CD109: variants seen among roughly 807,000 people sequenced by gnomAD.
CD109 encodes CD109 antigen.
In CD109, 149 loss-of-function variants were observed where a neutral mutation model predicts 165.8. The ratio of observed to expected loss-of-function variants is 0.90; its 90% CI spans 0.79 to 1.03. The LOEUF (loss-of-function observed/expected upper bound fraction) is 1.03, where lower values mean the gene tolerates loss of function less well. Ranked by LOEUF, CD109 falls within the 50% of genes least tolerant of loss-of-function variation. The probability of loss-of-function intolerance (pLI) is 0.00; values close to 1 mark genes in which losing one functional copy is unlikely to be tolerated. For synonymous variants in CD109, 585 were observed against 592.1 expected (o/e 0.99, Z 0.18); for missense variants, 1,712 against 1,677.8 (o/e 1.02, Z -0.36).
At chr6:73,688,776 T>G in the CD109 span, among the ~76,000 whole-genome samples, 3 of 138,126 alleles carry the variant, frequency 2.2e-5, no homozygotes, top group African/African-American at 8.1e-5. Flanking sequence ...TTTTTTTTTT[T>G]TTTTTTTTTT....
chr6:73,764,833 A>C (rs1031559466), intron 10 of CD109, among the ~76,000 whole-genome samples: 95 of 151,258 alleles, frequency 6.3e-4, no homozygotes, highest in Non-Finnish European at 9.3e-4. Context: ...AAAAAAAAAA[A>C]CAACTAAAAC....
chr6:73,800,795 A>G (rs1775334560), intron 23 of CD109, among the ~76,000 whole-genome samples: 1 of 152,078 alleles, frequency 6.6e-6, no homozygotes, highest in South Asian at 2.1e-4. Flanking sequence ...TAATTTTTAA[A>G]AAGTTCTTTA....
intron 5 of CD109, among the ~76,000 whole-genome samples, chr6:73,742,007 A>G (rs1354424418): frequency 6.6e-6 from 1 of 152,066 alleles, no homozygotes; most frequent in Non-Finnish European, 1.5e-5. Context: ...TATTTTCTGT[A>G]GTAAAATACA....
intron 15 of CD109, among the ~76,000 whole-genome samples, chr6:73,776,984 ATTTTTTT>A (rs36173181): frequency 9.7e-6 from 1 of 102,914 alleles, no homozygotes; most frequent in Non-Finnish European, 1.9e-5. Flanking sequence ...TCCTTTGCCC[ATTTTTTT>A]TTTTTTTTTT....
At chr6:73,747,706 T>C (rs1582096321) in intron 5 of CD109, among the ~76,000 whole-genome samples, 1 of 152,010 alleles carries the variant, frequency 6.6e-6, no homozygotes, top group Non-Finnish European at 1.5e-5. Flanking sequence ...TAACAATCTT[T>C]CCCCACCACA....
At chr6:73,791,158 T>TACAC (rs1774928988) in intron 22 of CD109, among the ~76,000 whole-genome samples, 1 of 29,270 alleles carries the variant, frequency 3.4e-5, no homozygotes, top group African/African-American at 1.3e-4. Context: ...TATATATATA[T>TACAC]ATATATATAT....
intron 17 of CD109, 38 bp from the exon 18 acceptor site, chr6:73,782,576 T>C (rs1373552844): frequency 1.4e-5 from 23 of 1,593,182 alleles, no homozygotes; most frequent in Non-Finnish European, 2.0e-5. Flanking sequence ...TTCTCTCCAG[T>C]GACTGTTTTT....
chr6:73,807,888 CAG>C (rs1214569945), intron 25 of CD109, among the ~76,000 whole-genome samples, 193 bp from the exon 26 acceptor site: 2 of 152,136 alleles, frequency 1.3e-5, no homozygotes, highest in African/African-American at 4.8e-5. Flanking sequence ...AACTGAAAAA[CAG>C]TATTATTTTC....
chr6:73,741,385 C>T (rs1325873388), intron 5 of CD109, among the ~76,000 whole-genome samples: 1 of 152,146 alleles, frequency 6.6e-6, no homozygotes, highest in East Asian at 1.9e-4. Flanking sequence ...ACCAAGCCCT[C>T]CTCTCAGAGG....
At chr6:73,685,279 C>A in the CD109 span, among the ~76,000 whole-genome samples, 16 of 151,732 alleles carry the variant, frequency 1.1e-4, no homozygotes, top group Non-Finnish European at 1.8e-4. Flanking sequence ...GGATATAAGC[C>A]CCTTACTAAC....
At chr6:73,718,481 T>A (rs1048004485) in intron 2 of CD109, among the ~76,000 whole-genome samples, 7 of 152,172 alleles carry the variant, frequency 4.6e-5, no homozygotes, top group Admixed American at 2.0e-4. Flanking sequence ...TTTTATCAAA[T>A]TTTTTTAAAT....
At position 73,820,564 on chromosome 6, in the gene CD109, G is replaced by A; in HGVS notation, c.4162+1G>A. 6.5e-7 allele frequency: 1 copy of A among 1,539,180 alleles called. No homozygotes were observed. The highest frequency in any genetic ancestry group is 1.7e-5 in the Admixed American group (1 of 57,374). On this transcript the variant is annotated splice_donor_variant, in intron 32 of 32. Transcript: ENST00000287097. LOFTEE classifies it high-confidence loss of function. ...TCCATAGTGGATTACTATGAGCCAA[G>A]TAAGTATGCTCTGGAGTTCTTAATA...
In CD109 at chr6:73,802,291, A is replaced by G. The variant is rs9447031; in HGVS notation, c.2879-929A>G. Among the ~76,000 whole-genome samples the G allele has an allele frequency of 6.2e-3, 484 of 78,360 alleles. 3 individuals are homozygous for G. Among genetic ancestry groups the G allele is most frequent in the African/African-American group, 0.018 (335 of 18,460 alleles). The allele number at this position is 78,360 out of a possible 152,430, so 51.4% of individuals were successfully genotyped here. A position where few individuals can be genotyped will look rare whatever the true frequency, so the allele number is the denominator to read the frequency against. On this transcript the variant is annotated intron_variant, in intron 23 of 32. Coordinates refer to ENST00000287097, the MANE Select transcript of CD109 (RefSeq NM_133493.5). The stretch of plus-strand genomic sequence containing the variant: ...TGTGTGTGTGTGTGTGTGTGTGTGT[A>G]TATATATATATATATTTTTTTTTTT...
At chr6:73,724,082 G>A (rs147845767) in intron 3 of CD109, among the ~76,000 whole-genome samples, 4 of 152,146 alleles carry the variant, frequency 2.6e-5, no homozygotes, top group Admixed American at 2.0e-4. Context: ...TTAAAACTTC[G>A]ACTTCTTTGT....
At chr6:73,694,114 C>G (rs374313310), upstream of CD109, 1 of 152,142 alleles carries the variant, frequency 6.6e-6, no homozygotes, top group African/African-American at 2.4e-5. Flanking sequence ...GTCTCGAACT[C>G]GTGACCTTAG....
chr6:73,710,809 T>C (rs1440863679), intron 2 of CD109, among the ~76,000 whole-genome samples: 1 of 152,202 alleles, frequency 6.6e-6, no homozygotes, highest in Non-Finnish European at 1.5e-5. Flanking sequence ...GGCCAGATGT[T>C]AAGCATGTAG....
intron 10 of CD109, among the ~76,000 whole-genome samples, chr6:73,765,321 T>C (rs907728430): frequency 6.7e-6 from 1 of 149,722 alleles, no homozygotes; most frequent in African/African-American, 2.5e-5. Context: ...GAGAGAAGCA[T>C]AGGACTTTGG....
chr6:73,715,890 C>A (rs913264435), intron 2 of CD109, among the ~76,000 whole-genome samples: 8 of 152,044 alleles, frequency 5.3e-5, no homozygotes, highest in Admixed American at 6.5e-5. Flanking sequence ...TTTTTTGTGC[C>A]CATTAACCAT....
chr6:73,743,789 G>A lies in CD109; in HGVS notation c.633+7281G>A, dbSNP rs1417739315. On this transcript the variant is annotated intron_variant, in intron 5 of 32. Coordinates refer to ENST00000287097, the MANE Select transcript of CD109 (RefSeq NM_133493.5). The stretch of plus-strand genomic sequence containing the variant: ...AAAACAGTGGCATTCTCTCTGAAAT[G>A]TGGTTGTGGCTTCCAAAATACTTTC... Among the ~76,000 whole-genome samples, 3 of 152,352 alleles carry A rather than the reference G, an allele frequency of 2.0e-5. No homozygotes were observed. The East Asian group carries it at 5.8e-4, about 29-fold the overall frequency.
Sources: gnomAD v4.1 joint callset for allele counts (sites outside exome capture counted in the v4.1 genomes callset) on GRCh38, gnomAD v4.1.1 for gene constraint, MANE v1.5 for transcripts, NCBI Gene and HGNC (gene_info 2026-07-23, HGNC 2026-07-21) for gene names.